Variants in PRKCB observed in about 807,000 individuals in gnomAD.
PRKCB encodes the protein protein kinase C beta type.
A neutral mutation model predicts 81.5 loss-of-function variants in PRKCB; 13 were observed. The observed-to-expected ratio is 0.16, with a 90% CI of 0.10 to 0.25. The LOEUF is 0.25. Ranked by LOEUF, PRKCB falls within the 10% of genes least tolerant of loss-of-function variation. The pLI is 1.00. For synonymous variants in PRKCB, 335 were observed against 321.4 expected (o/e 1.04, Z -0.45); for missense variants, 509 against 875.7 (o/e 0.58, Z 5.29).
chr16:23,961,750 A>G (rs1010747500), intron 2 of PRKCB, among the ~76,000 whole-genome samples: 10 of 152,186 alleles, frequency 6.6e-5, no homozygotes, highest in African/African-American at 2.4e-4. Flanking sequence ...TTGCCAGTTG[A>G]GCATCCCAAA....
intron 2 of PRKCB, among the ~76,000 whole-genome samples, chr16:23,850,652 A>C (rs1459753017): frequency 6.6e-6 from 1 of 152,152 alleles, no homozygotes; most frequent in Non-Finnish European, 1.5e-5. Flanking sequence ...GGTGTCAGCC[A>C]CCATGCTCGG....
chr16:24,005,545 C>T (rs1018426174), intron 3 of PRKCB, among the ~76,000 whole-genome samples: 1 of 152,196 alleles, frequency 6.6e-6, no homozygotes, highest in Non-Finnish European at 1.5e-5. Context: ...ACTTACAGTT[C>T]CTTCCAAATG....
At chr16:24,094,564 A>C (rs1227234352) in intron 7 of PRKCB, among the ~76,000 whole-genome samples, 1 of 152,122 alleles carries the variant, frequency 6.6e-6, no homozygotes, top group Admixed American at 6.6e-5. Flanking sequence ...TCAGGAGTTT[A>C]AGACCAGTCT....
chr16:23,892,265 T>C (rs1056640845), intron 2 of PRKCB, among the ~76,000 whole-genome samples: 1 of 152,206 alleles, frequency 6.6e-6, no homozygotes, highest in African/African-American at 2.4e-5. Context: ...ATTAGAATGT[T>C]ATGAAATAGC....
At chr16:23,877,968 G>A (rs1038654969) in intron 2 of PRKCB, among the ~76,000 whole-genome samples, 1 of 151,960 alleles carries the variant, frequency 6.6e-6, no homozygotes, top group Non-Finnish European at 1.5e-5. Context: ...TGAGTAGTTG[G>A]GACTACAGGC....
chr16:24,048,457 G>A (rs1171333995), intron 5 of PRKCB, among the ~76,000 whole-genome samples: 2 of 151,606 alleles, frequency 1.3e-5, no homozygotes, highest in Non-Finnish European at 2.9e-5. Flanking sequence ...CATGATATTA[G>A]TAGCAGCCAC....
chr16:23,877,224 G>C (rs1271592708), intron 2 of PRKCB, among the ~76,000 whole-genome samples: 1 of 152,068 alleles, frequency 6.6e-6, no homozygotes, highest in Non-Finnish European at 1.5e-5. Flanking sequence ...TGTAGTCCCA[G>C]CTATGTGGAG....
At chr16:23,900,518 T>G (rs987895401) in intron 2 of PRKCB, among the ~76,000 whole-genome samples, 3 of 152,180 alleles carry the variant, frequency 2.0e-5, no homozygotes, top group Non-Finnish European at 4.4e-5. Flanking sequence ...AGTCTTCAGT[T>G]CTCTGGAGGA....
chr16:23,852,158 A>G (rs1480763342), intron 2 of PRKCB, among the ~76,000 whole-genome samples: 1 of 152,174 alleles, frequency 6.6e-6, no homozygotes, highest in African/African-American at 2.4e-5. Context: ...TACTCTATTG[A>G]AAAGAAAGGG....
At chr16:23,988,635 C>A in intron 3 of PRKCB, 45 bp downstream of exon 3, 1 of 1,530,018 alleles carries the variant, frequency 6.5e-7, no homozygotes, top group Non-Finnish European at 9.1e-7. Flanking sequence ...ACAGTCAATG[C>A]TGCCTTGTGA....
chr16:23,893,820 T>G (rs1418667264), intron 2 of PRKCB: 1 of 152,262 alleles, frequency 6.6e-6, no homozygotes, highest in African/African-American at 2.4e-5. Flanking sequence ...ACAGCTCTTA[T>G]TATTCAACAT....
chr16:24,043,923 C>G (rs1965734519), intron 5 of PRKCB, among the ~76,000 whole-genome samples: 1 of 152,116 alleles, frequency 6.6e-6, no homozygotes, highest in African/African-American at 2.4e-5. Context: ...GGAATCTATT[C>G]TCTTAAAATG....
At chr16:23,897,000 T>C (rs529300264) in intron 2 of PRKCB, among the ~76,000 whole-genome samples, 1 of 149,440 alleles carries the variant, frequency 6.7e-6, no homozygotes, top group Non-Finnish European at 1.5e-5. Flanking sequence ...ACCCACCCAC[T>C]CATCCATCTA....
intron 3 of PRKCB, among the ~76,000 whole-genome samples, chr16:24,019,214 G>A (rs960354923): frequency 6.8e-6 from 1 of 146,706 alleles, no homozygotes; most frequent in African/African-American, 2.5e-5. Context: ...GTGTAATTAA[G>A]AGTCGACTTT....
chr16:24,060,472 T>C (rs1027527057), intron 5 of PRKCB, among the ~76,000 whole-genome samples: 1 of 152,200 alleles, frequency 6.6e-6, no homozygotes, highest in South Asian at 2.1e-4. Context: ...TCCTCCCTTA[T>C]GCATGTATCA....
intron 3 of PRKCB, among the ~76,000 whole-genome samples, chr16:23,992,894 C>G (rs563886469): frequency 2.0e-5 from 3 of 152,200 alleles, no homozygotes; most frequent in African/African-American, 7.2e-5. Flanking sequence ...TAAATTCTGA[C>G]AAGTCTTTTT....
intron 2 of PRKCB, among the ~76,000 whole-genome samples, chr16:23,933,793 T>TCCATCCATCCATCCATCCAC (rs1964015020): frequency 6.8e-6 from 1 of 147,918 alleles, no homozygotes. Flanking sequence ...CATCCATCCA[T>TCCATCCATCCATCCATCCAC]CCATCCATCC....
At chr16:24,162,957 T>C (rs1479191333) in intron 10 of PRKCB, among the ~76,000 whole-genome samples, 1 of 152,230 alleles carries the variant, frequency 6.6e-6, no homozygotes, top group Non-Finnish European at 1.5e-5. Context: ...TAAAGCAGTC[T>C]AGAATAGATT....
At chr16:24,207,691 C>T (rs181774201) in intron 16 of PRKCB, among the ~76,000 whole-genome samples, 5 of 152,146 alleles carry the variant, frequency 3.3e-5, no homozygotes, top group Admixed American at 2.6e-4. Context: ...TTTCCTCTGA[C>T]GATTCTTTGA....
Sources: gnomAD v4.1 joint callset for allele counts (sites outside exome capture counted in the v4.1 genomes callset) on GRCh38, gnomAD v4.1.1 for gene constraint, MANE v1.5 for transcripts, NCBI Gene and HGNC (gene_info 2026-07-23, HGNC 2026-07-21) for gene names.